The following POLQ variants were observed in gnomAD, a reference collection of about 807,000 sequenced individuals.
POLQ encodes DNA polymerase theta, also known as epididymis secretory sperm binding protein.
In POLQ, 233 loss-of-function variants were observed where a neutral mutation model predicts 259.2. The observed-to-expected ratio is 0.90, with a 90% CI of 0.81 to 1.00. The LOEUF is 1.00. Ranked by LOEUF, POLQ falls within the 50% of genes least tolerant of loss-of-function variation. The pLI is 0.00. For missense variants in POLQ, 2,871 were observed against 3,051.6 expected, an observed-to-expected ratio of 0.94 and a Z score of 1.39; for synonymous variants, 1,025 against 1,048.8, an observed-to-expected ratio of 0.98 and a Z score of 0.44.
At chr3:121,507,227 A>C (rs1043272514) in intron 12 of POLQ, among the ~76,000 whole-genome samples, 8 of 152,224 alleles carry the variant, frequency 5.3e-5, no homozygotes, top group Non-Finnish European at 8.8e-5. Context: ...ATATATTCAA[A>C]ATATAAAATA....
intron 9 of POLQ, among the ~76,000 whole-genome samples, chr3:121,518,415 A>G (rs947766715): frequency 8.5e-5 from 13 of 152,222 alleles, no homozygotes; most frequent in African/African-American, 2.7e-4. Flanking sequence ...AAGAGCTGAA[A>G]CAAGAACGCA....
At chr3:121,529,058 C>G (rs552075430) in intron 7 of POLQ, among the ~76,000 whole-genome samples, 1 of 152,072 alleles carries the variant, frequency 6.6e-6, no homozygotes, top group East Asian at 1.9e-4. Context: ...ATACCTTTTT[C>G]TTTTTGTTTT....
intron 12 of POLQ, among the ~76,000 whole-genome samples, chr3:121,499,322 A>AG (rs1322517056): frequency 1.4e-5 from 2 of 146,680 alleles, no homozygotes; most frequent in Non-Finnish European, 3.0e-5. Context: ...GCTGGGATCT[A>AG]GTTCACTGAA....
intron 24 of POLQ, among the ~76,000 whole-genome samples, chr3:121,463,480 A>G (rs1197107380): frequency 6.6e-6 from 1 of 152,210 alleles, no homozygotes; most frequent in Non-Finnish European, 1.5e-5. Context: ...TAGATTCTAT[A>G]GGTAACCTAA....
chr3:121,494,199 C>G (rs2048095426), intron 14 of POLQ: 1 of 1,322,436 alleles, frequency 7.6e-7, no homozygotes, highest in Admixed American at 1.7e-5. Context: ...TGGTGAATCC[C>G]GTTTGTGAAA....
At chr3:121,475,731 A>G (rs2047920038) in intron 20 of POLQ, among the ~76,000 whole-genome samples, 1 of 152,182 alleles carries the variant, frequency 6.6e-6, no homozygotes, top group African/African-American at 2.4e-5. Context: ...AGCCAATACT[A>G]TCAAAGGCCC....
chr3:121,527,849 A>G (rs145038685), intron 7 of POLQ, among the ~76,000 whole-genome samples: 162 of 152,304 alleles, frequency 1.1e-3, no homozygotes, highest in African/African-American at 3.8e-3. Context: ...AAGAAACATG[A>G]TAAATTACTT....
chr3:121,494,308 A>C (rs1259062549), intron 14 of POLQ: 3 of 1,597,440 alleles, frequency 1.9e-6, no homozygotes, highest in Non-Finnish European at 2.5e-6. Flanking sequence ...AGCGGCAGAG[A>C]GCCATCCTCT....
Position 121,509,667 on chromosome 3 carries a change from G to A in POLQ, c.1853C>T (p.Thr618Ile). 6.2e-7 allele frequency: 1 copy of A among 1,613,948 alleles called. No homozygotes were observed. The highest frequency in any genetic ancestry group is 1.1e-5 in the South Asian group (1 of 91,074). ...AGCTGGAGAAAGTGAAGAAGAAAGA[G>A]TGGCCGAACCAAGATGTGTTGGATG... is the stretch of plus-strand genomic sequence containing the variant. ...VYHPTHLGSA[T>I]LSSSLSPADT... Residue 618 changes from threonine to isoleucine, a missense_variant, in exon 12 of 30, where the codon ACT (threonine) becomes ATT (isoleucine). Physicochemically the swap from Thr to Ile is moderately conservative, Grantham distance 89 (BLOSUM62 -1). Transcript: ENST00000264233.
At chr3:121,520,258 G>C (rs1451488804) in intron 8 of POLQ, among the ~76,000 whole-genome samples, 175 bp from the exon 9 acceptor site, 2 of 152,032 alleles carry the variant, frequency 1.3e-5, no homozygotes, top group Non-Finnish European at 2.9e-5. Context: ...TAATCTGGCC[G>C]GGCGCGGTGG....
intron 25 of POLQ, among the ~76,000 whole-genome samples, chr3:121,451,450 G>A (rs1257563963): frequency 1.3e-5 from 2 of 152,210 alleles, no homozygotes; most frequent in East Asian, 1.9e-4. Context: ...TGATGGTGAC[G>A]TACAGATGGG....
In POLQ at chr3:121,494,302, G is replaced by A. The variant is rs143579841; in HGVS notation, c.2279-581C>T. The A allele has an allele frequency of 1.6e-3, 2,487 of 1,596,550 alleles. 37 individuals carry two copies. The African/African-American group carries it at 0.029, about 19-fold the overall frequency. Reference sequence around the variant, plus strand: ...GGCCCCGCTATATCAGGTTGCAGCGGCAGAGAGCCATCCTCTATAAGCGGC... The same window carrying A: ...GGCCCCGCTATATCAGGTTGCAGCGACAGAGAGCCATCCTCTATAAGCGGC... On this transcript the variant is annotated intron_variant, in intron 14 of 29. Transcript: ENST00000264233.
intron 25 of POLQ, among the ~76,000 whole-genome samples, chr3:121,457,142 C>G (rs1480905095): frequency 6.6e-6 from 1 of 152,110 alleles, no homozygotes; most frequent in Non-Finnish European, 1.5e-5. Flanking sequence ...GAAAGGATTC[C>G]CTATTTAATA....
chr3:121,464,765 T>G (rs1170672137), intron 24 of POLQ, among the ~76,000 whole-genome samples: 1 of 152,224 alleles, frequency 6.6e-6, no homozygotes, highest in African/African-American at 2.4e-5. Flanking sequence ...CTATAAGATG[T>G]ATATGAAACA....
rs573383846 is a variant in POLQ, at chr3:121,453,613, T to A, written c.7153-4187A>T. ...AGAATGCAGAAGCCTCAGGAGCCGA[T>A]GCGATCAACTGGAAGAAAGGGTATC... On this transcript the variant is annotated intron_variant, in intron 25 of 29. Transcript: ENST00000264233. Among the ~76,000 whole-genome samples the A allele has an allele frequency of 9.0e-3, 1,373 of 152,198 alleles. 19 individuals carry two copies. Among genetic ancestry groups the A allele is most frequent in the African/African-American group, 0.031 (1,300 of 41,508 alleles).
At chr3:121,539,662 A>G in intron 3 of POLQ, 73 bp from the exon 4 acceptor site, 1 of 1,119,836 alleles carries the variant, frequency 8.9e-7, no homozygotes. Flanking sequence ...GTTCTATCCC[A>G]GAACATAGAC....
At chr3:121,515,728 G>GT (rs2048290114) in intron 9 of POLQ, among the ~76,000 whole-genome samples, 1 of 152,182 alleles carries the variant, frequency 6.6e-6, no homozygotes, top group Admixed American at 6.5e-5. Flanking sequence ...AGAGGTAGCT[G>GT]TCTCCTCAAA....
intron 25 of POLQ, among the ~76,000 whole-genome samples, chr3:121,456,974 C>T (rs1386476064): frequency 6.6e-6 from 1 of 152,170 alleles, no homozygotes; most frequent in African/African-American, 2.4e-5. Context: ...AGCTACCTGA[C>T]TTCAAACTAT....
chr3:121,509,958 C>A, intron 11 of POLQ, 81 bp downstream of exon 11: 1 of 1,141,634 alleles, frequency 8.8e-7, no homozygotes, highest in Non-Finnish European at 1.3e-6. Flanking sequence ...CATGAAAAGA[C>A]AATTTCCATT....
Sources: gnomAD v4.1 joint callset for allele counts (sites outside exome capture counted in the v4.1 genomes callset) on GRCh38, gnomAD v4.1.1 for gene constraint, MANE v1.5 for transcripts, NCBI Gene and HGNC (gene_info 2026-07-23, HGNC 2026-07-21) for gene names.